Variants in UBAC2 observed in about 807,000 individuals in gnomAD.
The protein encoded by UBAC2 is ubiquitin-associated domain-containing protein 2.
Under a neutral mutation model 44.0 loss-of-function variants are expected in UBAC2, and 26 were observed. The ratio of observed to expected loss-of-function variants is 0.59; its 90% confidence interval spans 0.43 to 0.82. The LOEUF (loss-of-function observed/expected upper bound fraction) is 0.82, where lower values mean the gene tolerates loss of function less well. Among genes scored for constraint, UBAC2 ranks in the 40% least tolerant of loss-of-function variants. The pLI, the probability that UBAC2 is intolerant of heterozygous loss-of-function variation, is 0.00. For synonymous variants in UBAC2, 155 were observed against 154.3 expected (o/e 1.00, Z -0.04); for missense variants, 329 against 419.4 (o/e 0.78, Z 1.88).
At chr13:99,284,038 C>T (rs2043988086) in intron 4 of UBAC2, among the ~76,000 whole-genome samples, 1 of 152,096 alleles carries the variant, frequency 6.6e-6, no homozygotes, top group Admixed American at 6.5e-5. Context: ...TGGCCAATGC[C>T]ACTTTATTTT....
chr13:99,321,061 A>G (rs1160361717), intron 6 of UBAC2, among the ~76,000 whole-genome samples: 1 of 152,262 alleles, frequency 6.6e-6, no homozygotes, highest in Admixed American at 6.5e-5. Flanking sequence ...GAGATTTCAC[A>G]TTTTAGTATT....
In UBAC2 at chr13:99,254,460, A is replaced by G. The variant is rs2043503859; in HGVS notation, c.389+9836A>G. The stretch of plus-strand genomic sequence containing the variant: ...AGTAATGAGTTCAACATAATTTCTT[A>G]TATAGGAATTCTGGAAGTCAGTGTT... On this transcript the variant is annotated intron_variant, in intron 4 of 8. Transcript: ENST00000403766. Among the ~76,000 whole-genome samples, 8 of 152,170 alleles carry G rather than the reference A, an allele frequency of 5.3e-5. No individual in the cohort carries two copies. In the South Asian group the frequency reaches 1.4e-3, roughly 28 times the overall value.
intron 1 of UBAC2, among the ~76,000 whole-genome samples, chr13:99,205,257 A>G (rs2042856338): frequency 6.6e-6 from 1 of 152,152 alleles, no homozygotes; most frequent in Non-Finnish European, 1.5e-5. Flanking sequence ...GTGTTGGGAA[A>G]AACCCAGTGG....
intron 4 of UBAC2, among the ~76,000 whole-genome samples, chr13:99,292,892 G>A (rs142965224): frequency 6.6e-6 from 1 of 152,136 alleles, no homozygotes; most frequent in Non-Finnish European, 1.5e-5. Context: ...GTCATGTTCT[G>A]TAACAGAATA....
At chr13:99,381,284 C>T (rs1445674962) in intron 8 of UBAC2, among the ~76,000 whole-genome samples, 3 of 152,206 alleles carry the variant, frequency 2.0e-5, no homozygotes, top group Non-Finnish European at 4.4e-5. Context: ...AATGTATCAT[C>T]AGTGGAGGGA....
chr13:99,285,931 C>T (rs1269190193), intron 4 of UBAC2, among the ~76,000 whole-genome samples: 1 of 152,020 alleles, frequency 6.6e-6, no homozygotes, highest in Non-Finnish European at 1.5e-5. Context: ...AGTTCAACTC[C>T]CTGAAACTCC....
chr13:99,211,223 G>C (rs72648072), intron 1 of UBAC2, among the ~76,000 whole-genome samples: 15,671 of 152,164 alleles, frequency 0.1, 896 homozygotes, highest in Admixed American at 0.17. Context: ...CTCCACAAAC[G>C]AGTCTTTTCA....
intron 6 of UBAC2, among the ~76,000 whole-genome samples, chr13:99,327,994 C>T (rs948966655): frequency 5.9e-5 from 9 of 152,024 alleles, no homozygotes; most frequent in Non-Finnish European, 1.2e-4. Context: ...GGCTTCATGC[C>T]CCATGCTCTT....
chr13:99,253,108 A>G (rs758315181), intron 4 of UBAC2, among the ~76,000 whole-genome samples: 99 of 150,320 alleles, frequency 6.6e-4, no homozygotes, highest in Non-Finnish European at 1.1e-3. Flanking sequence ...AAGATATAAT[A>G]TCTATAAAGG....
chr13:99,297,539 T>G (rs2044194811), intron 4 of UBAC2, among the ~76,000 whole-genome samples: 1 of 152,108 alleles, frequency 6.6e-6, no homozygotes, highest in East Asian at 1.9e-4. Flanking sequence ...ACACTGAGGG[T>G]TAGCAGAGGA....
intron 8 of UBAC2, among the ~76,000 whole-genome samples, chr13:99,382,162 T>A (rs1008675905): frequency 6.6e-6 from 1 of 152,324 alleles, no homozygotes; most frequent in Middle Eastern, 3.4e-3. Flanking sequence ...TTGTAGAGGT[T>A]TACTAATCAA....
At chr13:99,324,668 T>G (rs544220923) in intron 6 of UBAC2, among the ~76,000 whole-genome samples, 111 of 152,304 alleles carry the variant, frequency 7.3e-4, no homozygotes, top group African/African-American at 2.6e-3. Context: ...CTATTATAGA[T>G]GAAGAAACTG....
chr13:99,332,668 G>A (rs1031193673), intron 6 of UBAC2, among the ~76,000 whole-genome samples: 1 of 152,108 alleles, frequency 6.6e-6, no homozygotes, highest in Non-Finnish European at 1.5e-5. Context: ...ACTCCAACTC[G>A]AGCTTGTCTT....
intron 7 of UBAC2, among the ~76,000 whole-genome samples, chr13:99,352,384 T>C (rs1016033984): frequency 6.6e-6 from 1 of 152,258 alleles, no homozygotes; most frequent in Non-Finnish European, 1.5e-5. Flanking sequence ...TTTCTGTCTC[T>C]GTAGACTTGC....
At chr13:99,202,326 C>T (rs1267458159) in intron 1 of UBAC2, among the ~76,000 whole-genome samples, 1 of 152,086 alleles carries the variant, frequency 6.6e-6, no homozygotes, top group Non-Finnish European at 1.5e-5. Context: ...AGTAATCTTC[C>T]CCAAACTACC....
At chr13:99,287,729 C>A (rs2044038699) in intron 4 of UBAC2, among the ~76,000 whole-genome samples, 1 of 147,980 alleles carries the variant, frequency 6.8e-6, no homozygotes. Context: ...AAGTGAGCCT[C>A]CTGTCTCAGC....
At chr13:99,344,682 G>A (rs2044945843) in intron 7 of UBAC2, among the ~76,000 whole-genome samples, 2 of 152,138 alleles carry the variant, frequency 1.3e-5, no homozygotes, top group South Asian at 4.1e-4. Context: ...TTGATTCAGT[G>A]TTGTATTTCT....
chr13:99,367,535 C>T (rs921238173), intron 7 of UBAC2, among the ~76,000 whole-genome samples: 4 of 152,226 alleles, frequency 2.6e-5, no homozygotes, highest in Non-Finnish European at 5.9e-5. Flanking sequence ...TCCAGAGCCA[C>T]AGTGCACAAA....
intron 6 of UBAC2, among the ~76,000 whole-genome samples, chr13:99,333,072 A>G (rs751754578): frequency 5.3e-5 from 8 of 151,808 alleles, no homozygotes; most frequent in East Asian, 3.9e-4. Context: ...GACCAGCCTG[A>G]GCAACATGGT....
Sources: allele counts gnomAD v4.1 joint callset (sites outside exome capture counted in the v4.1 genomes callset), GRCh38; gene constraint gnomAD v4.1.1; transcripts MANE v1.5; gene names NCBI Gene and HGNC (gene_info 2026-07-23, HGNC 2026-07-21).